The following GPHN variants were observed in gnomAD, a reference collection of about 807,000 sequenced individuals.
GPHN encodes the protein gephyrin.
GPHN carries 17 observed loss-of-function variants against 95.5 expected under a neutral mutation model. That is an observed-to-expected ratio of 0.18 (90% CI 0.12 to 0.27). The LOEUF (loss-of-function observed/expected upper bound fraction) is 0.27, where lower values mean the gene tolerates loss of function less well. Among genes scored for constraint, GPHN ranks in the 10% least tolerant of loss-of-function variants. The pLI, the probability that GPHN is intolerant of heterozygous loss-of-function variation, is 1.00. For missense variants in GPHN, 660 were observed against 978.1 expected (o/e 0.67, Z 4.34); for synonymous variants, 320 against 322.5 (o/e 0.99, Z 0.08).
chr14:67,246,252 C>T, the GPHN span, among the ~76,000 whole-genome samples: 1 of 151,950 alleles, frequency 6.6e-6, no homozygotes, highest in African/African-American at 2.4e-5. Flanking sequence ...AGCAATCCTC[C>T]CAAGTAGCTG....
chr14:66,792,755 T>TA (rs2060017129), intron 3 of GPHN, among the ~76,000 whole-genome samples: 1 of 151,964 alleles, frequency 6.6e-6, no homozygotes, highest in African/African-American at 2.4e-5. Flanking sequence ...CACACAGAAA[T>TA]ATAGAGATGT....
chr14:66,712,419 G>A (rs1375196394), intron 2 of GPHN, among the ~76,000 whole-genome samples: 4 of 152,030 alleles, frequency 2.6e-5, no homozygotes, highest in African/African-American at 4.8e-5. Flanking sequence ...TCCTTTGCCC[G>A]CTTGTTGATG....
the GPHN span, chr14:67,374,396 G>A: frequency 2.5e-6 from 2 of 801,190 alleles, no homozygotes; most frequent in South Asian, 5.9e-5. Context: ...ACTTAATTTG[G>A]TCTTCAAAGC....
chr14:67,685,716 A>G, the GPHN span, among the ~76,000 whole-genome samples: 1 of 151,898 alleles, frequency 6.6e-6, no homozygotes, highest in Admixed American at 6.6e-5. Context: ...TCCAGGTTCA[A>G]GCGATTCTCC....
chr14:67,106,392 T>C (rs2078040411), intron 13 of GPHN, among the ~76,000 whole-genome samples: 1 of 152,164 alleles, frequency 6.6e-6, no homozygotes, highest in South Asian at 2.1e-4. Context: ...ATAAGTTTCT[T>C]ATGCCTTTTC....
chr14:67,296,585 C>CAAAAAAAAAAA, the GPHN span, among the ~76,000 whole-genome samples: 1 of 51,000 alleles, frequency 2.0e-5, no homozygotes, highest in Non-Finnish European at 6.5e-5. Flanking sequence ...AACTCTGTCT[C>CAAAAAAAAAAA]AAAAAAAAAA....
chr14:67,705,381 G>A, the GPHN span, among the ~76,000 whole-genome samples: 11 of 152,324 alleles, frequency 7.2e-5, no homozygotes, highest in East Asian at 1.5e-3. Context: ...TAATGTGTAC[G>A]TCAACAGTTT....
the GPHN span, among the ~76,000 whole-genome samples, chr14:67,246,999 C>T: frequency 6.6e-6 from 1 of 152,284 alleles, no homozygotes. Flanking sequence ...GACTCTTCCA[C>T]TGTATTCTTT....
At chr14:66,509,080 G>C (rs2057920775) in intron 1 of GPHN, 1 of 194,952 alleles carries the variant, frequency 5.1e-6, no homozygotes. Context: ...TTGCCTGGAC[G>C]AGACTCAGGT....
chr14:67,265,084 C>G, the GPHN span, among the ~76,000 whole-genome samples: 2 of 151,966 alleles, frequency 1.3e-5, no homozygotes, highest in African/African-American at 4.8e-5. Flanking sequence ...CAAATTTTGT[C>G]TGGTATAGTA....
chr14:67,021,732 T>C (rs2073639247), intron 9 of GPHN, among the ~76,000 whole-genome samples: 1 of 152,064 alleles, frequency 6.6e-6, no homozygotes, highest in African/African-American at 2.4e-5. Context: ...GTAAATCTCT[T>C]GTTTCTATCC....
At chr14:66,780,662 A>C (rs1338888488) in intron 3 of GPHN, among the ~76,000 whole-genome samples, 1 of 152,180 alleles carries the variant, frequency 6.6e-6, no homozygotes, top group Non-Finnish European at 1.5e-5. Context: ...TATATCTAAA[A>C]TAACTTGAGA....
the GPHN span, among the ~76,000 whole-genome samples, chr14:67,713,315 A>C: frequency 2.7e-5 from 4 of 149,740 alleles, no homozygotes; most frequent in Non-Finnish European, 5.9e-5. Context: ...AAGTGAGCTC[A>C]AACTCCATAA....
chr14:67,479,362 G>C, the GPHN span, among the ~76,000 whole-genome samples: 1 of 148,604 alleles, frequency 6.7e-6, no homozygotes, highest in Admixed American at 6.8e-5. Context: ...CAGTGAGCGA[G>C]ATCGTACCAC....
chr14:66,611,589 C>A (rs923761470), intron 1 of GPHN, among the ~76,000 whole-genome samples: 1 of 152,092 alleles, frequency 6.6e-6, no homozygotes, highest in Non-Finnish European at 1.5e-5. Context: ...ATCAGCACTT[C>A]CAGTCATAAA....
intron 2 of GPHN, among the ~76,000 whole-genome samples, chr14:66,733,183 C>T (rs1172552991): frequency 6.6e-6 from 1 of 151,990 alleles, no homozygotes; most frequent in African/African-American, 2.4e-5. Flanking sequence ...AGGCAGTTTT[C>T]CCTGCTTGTG....
At chr14:67,606,726 G>A in the GPHN span, among the ~76,000 whole-genome samples, 14 of 152,090 alleles carry the variant, frequency 9.2e-5, no homozygotes, top group African/African-American at 2.4e-4. Context: ...AGCTCACTGT[G>A]ACCTCTGCCT....
the GPHN span, among the ~76,000 whole-genome samples, chr14:67,449,255 T>C: frequency 6.6e-6 from 1 of 152,048 alleles, no homozygotes; most frequent in African/African-American, 2.4e-5. Context: ...ATCCAGGAGG[T>C]GCTAACTGCA....
chr14:66,576,584 A>G (rs1162926453), intron 1 of GPHN, among the ~76,000 whole-genome samples: 2 of 152,158 alleles, frequency 1.3e-5, no homozygotes, highest in Non-Finnish European at 2.9e-5. Flanking sequence ...TAGGAGGCTA[A>G]CATACTTATC....
Sources: allele counts gnomAD v4.1 joint callset (sites outside exome capture counted in the v4.1 genomes callset), GRCh38; gene constraint gnomAD v4.1.1; transcripts MANE v1.5; gene names NCBI Gene and HGNC (gene_info 2026-07-23, HGNC 2026-07-21).